FLNB: variants seen among roughly 807,000 people sequenced by gnomAD.
FLNB encodes the protein filamin B.
In FLNB, 111 loss-of-function variants were observed where a neutral mutation model predicts 250.6. The observed-to-expected ratio is 0.44, with a 90% confidence interval of 0.38 to 0.52. FLNB has a LOEUF of 0.52. Among genes scored for constraint, FLNB ranks in the 20% least tolerant of loss-of-function variants. The pLI, the probability that FLNB is intolerant of heterozygous loss-of-function variation, is 0.00. For missense variants in FLNB, 2,869 were observed against 3,447.8 expected (o/e 0.83, Z 4.20); for synonymous variants, 1,302 against 1,372.1 (o/e 0.95, Z 1.13).
In FLNB at chr3:58,153,406, C is replaced by T; in HGVS notation, c.6399C>T (p.Val2133=). Residue 2133 remains valine (V), a synonymous_variant, in exon 39 of 46, where the codon GTC becomes GTT. Coordinates refer to ENST00000295956, the MANE Select transcript of FLNB (RefSeq NM_001457.4). The stretch of plus-strand genomic sequence containing the variant: ...ACAGCAGTGATATGTCGGCCCACGT[C>T]ACCAGCCCCTCTGGCCGTGTGACTG... ...EINSSDMSAH[V]TSPSGRVTEA... 3 of 1,614,266 alleles carry T rather than the reference C, an allele frequency of 1.9e-6. No individual in the cohort carries two copies. Among genetic ancestry groups the T allele is most frequent in the Admixed American group, 1.7e-5 (1 of 60,034 alleles).
chr3:58,136,092 G>C lies in FLNB; in HGVS notation c.4785G>C (p.Gly1595=), dbSNP rs1382513982. ...TGRYMIGVTY[G]GDDIPLSPYR... is the part of the protein sequence containing the mutation. ...GCTATATGATTGGAGTCACCTACGG[G>C]GGTGACGACATCCCACTTTCTCCTT... Residue 1595 remains glycine, a synonymous_variant, in exon 28 of 46, where the codon GGG becomes GGC. Transcript: ENST00000295956. 1 of 1,614,084 alleles carries C rather than the reference G, an allele frequency of 6.2e-7. No individual in the cohort carries two copies. Among genetic ancestry groups the C allele is most frequent in the African/African-American group, 1.3e-5 (1 of 74,938 alleles).
chr3:58,165,595 T>C (rs1284513700), intron 43 of FLNB: 1 of 152,328 alleles, frequency 6.6e-6, no homozygotes. Context: ...GTTTGCTGTA[T>C]CTCTTGGCTC....
chr3:58,021,707 C>A (rs779075662), intron 1 of FLNB, among the ~76,000 whole-genome samples: 1 of 152,308 alleles, frequency 6.6e-6, no homozygotes, highest in Non-Finnish European at 1.5e-5. Flanking sequence ...TATTGTCTGA[C>A]ATCCATGGGG....
intron 1 of FLNB, among the ~76,000 whole-genome samples, chr3:58,059,455 A>G (rs1439071954): frequency 6.6e-6 from 1 of 152,120 alleles, no homozygotes; most frequent in Non-Finnish European, 1.5e-5. Flanking sequence ...CTGCTCTGAG[A>G]TGTAGACACT....
At chr3:58,051,488 C>T (rs192486680) in intron 1 of FLNB, among the ~76,000 whole-genome samples, 20 of 152,212 alleles carry the variant, frequency 1.3e-4, no homozygotes, top group East Asian at 5.8e-4. Context: ...TGGTCTGCTA[C>T]GTGTCCATCT....
chr3:58,170,672 C>T lies in FLNB; in HGVS notation c.7719C>T (p.Tyr2573=), dbSNP rs774496249. 38 of 1,613,970 alleles carry T rather than the reference C, an allele frequency of 2.4e-5. No individual in the cohort carries two copies. Among genetic ancestry groups the T allele is most frequent in the Non-Finnish European group, 2.7e-5 (32 of 1,180,008 alleles). The change falls in exon 46 of 46, where the codon TAC becomes TAT. Residue 2573 remains tyrosine (Y), a synonymous_variant. Coordinates refer to ENST00000295956, the MANE Select transcript of FLNB (RefSeq NM_001457.4). ...HVGNQQYNVT[Y]VVKERGDYVL... ...GCAACCAGCAATACAACGTCACATA[C>T]GTCGTCAAGGAGAGGGGCGATTATG... is the stretch of plus-strand genomic sequence containing the variant.
chr3:58,131,981 T>C (rs1427804057), intron 25 of FLNB: 5 of 1,537,214 alleles, frequency 3.3e-6, no homozygotes, highest in South Asian at 2.4e-5. Context: ...CTTTCAGAGT[T>C]CTTTAAAGGT....
intron 1 of FLNB, among the ~76,000 whole-genome samples, chr3:58,070,049 C>CTTTT (rs10639474): frequency 1.5e-5 from 2 of 134,998 alleles, no homozygotes; most frequent in African/African-American, 2.8e-5. Flanking sequence ...CTCTTTCTTT[C>CTTTT]TTTTTTTTTT....
intron 19 of FLNB, 124 bp from the exon 20 acceptor site, chr3:58,121,117 C>G (rs1160638003): frequency 5.8e-6 from 7 of 1,201,120 alleles, no homozygotes; most frequent in Non-Finnish European, 8.7e-6. Context: ...TCTGCAGCAG[C>G]TGTTGCTTAC....
intron 1 of FLNB, among the ~76,000 whole-genome samples, chr3:58,044,193 G>A (rs2097150198): frequency 6.6e-6 from 1 of 152,310 alleles, no homozygotes; most frequent in Non-Finnish European, 1.5e-5. Context: ...AAATCTGGGT[G>A]GGTGGAGTCT....
rs140817375 is a variant in FLNB at position 58,083,916 on chromosome 3, C to T, written c.787+2140C>T. Among the ~76,000 whole-genome samples, 202 of 152,046 alleles carry T rather than the reference C, an allele frequency of 1.3e-3. 1 individual carries two copies. Among genetic ancestry groups the T allele is most frequent in the East Asian group, 8.2e-3 (42 of 5,150 alleles). ...TTTCTTTAAAAGTGCTTTCTTTGGC[C>T]GGGCTTGGTGGCTCACACCTGTAAT... On this transcript the variant is annotated intron_variant, in intron 4 of 45. Coordinates refer to ENST00000295956, the MANE Select transcript of FLNB (RefSeq NM_001457.4).
chr3:58,146,407 C>G (rs909780228), intron 33 of FLNB, among the ~76,000 whole-genome samples: 1 of 152,178 alleles, frequency 6.6e-6, no homozygotes, highest in East Asian at 1.9e-4. Flanking sequence ...TGCCCATTCC[C>G]GTGGTATTCA....
chr3:58,077,689 T>A (rs13085609), intron 2 of FLNB, among the ~76,000 whole-genome samples: 1 of 152,094 alleles, frequency 6.6e-6, no homozygotes, highest in Non-Finnish European at 1.5e-5. Flanking sequence ...AAAACTTCCA[T>A]GGAGTGGAAA....
At chr3:58,084,555 T>TA (rs66843073) in intron 4 of FLNB, among the ~76,000 whole-genome samples, 1 of 147,968 alleles carries the variant, frequency 6.8e-6, no homozygotes, top group African/African-American at 2.6e-5. Context: ...CACACCCTTT[T>TA]AAAAAAAAAT....
At chr3:58,071,598 C>T (rs1234222691) in intron 1 of FLNB, among the ~76,000 whole-genome samples, 1 of 152,174 alleles carries the variant, frequency 6.6e-6, no homozygotes, top group African/African-American at 2.4e-5. Context: ...TTCTTACAGT[C>T]ACTTTGTTGG....
intron 43 of FLNB, 67 bp from the exon 44 acceptor site, chr3:58,168,373 C>T (rs1385209065): frequency 1.3e-5 from 16 of 1,219,048 alleles, no homozygotes; most frequent in Non-Finnish European, 1.6e-5. Flanking sequence ...TCCCTCACCA[C>T]GGCCTCAGTG....
At position 58,163,170 on chromosome 3, in the gene FLNB, C is replaced by T. The variant is rs777728997; in HGVS notation, c.7038C>T (p.Arg2346=). The T allele has an allele frequency of 2.1e-5, 34 of 1,614,052 alleles. No individual in the cohort carries two copies. The highest frequency in any genetic ancestry group is 2.4e-5 in the Non-Finnish European group (28 of 1,180,016). Residue 2346 remains arginine (R), a synonymous_variant, in exon 43 of 46, where the codon CGC becomes CGT. Coordinates refer to ENST00000295956, the MANE Select transcript of FLNB (RefSeq NM_001457.4). ...SELEPDKYAV[R]FIPHENGVHT... is the part of the protein sequence containing the mutation. ...TTCTCCTAGATAAGTATGCTGTTCG[C>T]TTCATCCCTCATGAGAATGGTGTCC...
intron 1 of FLNB, among the ~76,000 whole-genome samples, chr3:58,066,689 A>G (rs1418543919): frequency 1.3e-5 from 2 of 152,222 alleles, no homozygotes; most frequent in Non-Finnish European, 2.9e-5. Flanking sequence ...GTTGTTGGAT[A>G]TTAAGTAATT....
rs1226621793 is a variant in FLNB, at chr3:58,125,640, G to A, written c.3958G>A (p.Val1320Met). ...DVPIPNSPFK[V>M]AVTEGCQPSR... The stretch of plus-strand genomic sequence containing the variant: ...GCCTATCCCAAACAGTCCCTTCAAG[G>A]TGGCTGTCACTGAAGGCTGCCAGCC... Residue 1320 changes from valine to methionine, a missense_variant, in exon 23 of 46, where the codon GTG (valine) becomes ATG (methionine). Physicochemically the swap from Val to Met is conservative, Grantham distance 21 (BLOSUM62 1). Around this residue, in one of 5 missense-constraint regions of FLNB, gnomAD observed 1,348 missense variants for 1,466.7 expected, o/e 0.92. Transcript: ENST00000295956. 3 of 1,614,056 alleles carry A rather than the reference G, an allele frequency of 1.9e-6. No individual in the cohort carries two copies. The highest frequency in any genetic ancestry group is 2.7e-5 in the African/African-American group (2 of 74,916).
Sources: gnomAD v4.1 joint callset for allele counts (sites outside exome capture counted in the v4.1 genomes callset) on GRCh38, gnomAD v4.1.1 for gene constraint, gnomAD v4.1.1 regional missense constraint, MANE v1.5 for transcripts, NCBI Gene and HGNC (gene_info 2026-07-23, HGNC 2026-07-21) for gene names.